The following MGAM2 variants were observed in gnomAD, a reference collection of about 807,000 sequenced individuals.
MGAM2 encodes maltase-glucoamylase 2 (putative), also known as probable maltase-glucoamylase 2.
A neutral mutation model predicts 96.1 loss-of-function variants in MGAM2; 98 were observed. That is an observed-to-expected ratio of 1.02 (90% CI 0.87 to 1.21). The LOEUF (loss-of-function observed/expected upper bound fraction) is 1.21, where lower values mean the gene tolerates loss of function less well. Among genes scored for constraint, MGAM2 ranks in the 50% most tolerant of loss-of-function variants. The pLI is 0.00. For synonymous variants in MGAM2, 749 were observed against 414.8 expected (o/e 1.81, Z -9.79); for missense variants, 2,055 against 1,182.4 (o/e 1.74, Z -10.82).
chr7:142,179,805 A>G (rs1159177886), intron 32 of MGAM2, among the ~76,000 whole-genome samples: 2 of 152,128 alleles, frequency 1.3e-5, no homozygotes, highest in Non-Finnish European at 2.9e-5. Context: ...TTCATCAGGG[A>G]TATCAGCCTG....
chr7:142,203,171 G>T (rs1475859831), intron 45 of MGAM2, among the ~76,000 whole-genome samples: 1 of 152,080 alleles, frequency 6.6e-6, no homozygotes, highest in African/African-American at 2.4e-5. Flanking sequence ...TATAGAATCT[G>T]GATGTTAGAC....
intron 3 of MGAM2, 119 bp downstream of exon 3, chr7:142,120,500 T>G (rs1794538206): frequency 3.6e-6 from 2 of 559,006 alleles, no homozygotes; most frequent in Non-Finnish European, 6.4e-6. Flanking sequence ...TGTTTGGAGT[T>G]CTTTCTTTCT....
chr7:142,115,639 A>C (rs757088003), intron 1 of MGAM2, among the ~76,000 whole-genome samples: 1 of 152,192 alleles, frequency 6.6e-6, no homozygotes, highest in Non-Finnish European at 1.5e-5. Flanking sequence ...TGAGATCAGG[A>C]GTTCGAGACC....
rs183874428 is a variant in MGAM2, at chr7:142,139,541, A to T, written c.1086+874A>T. On this transcript the variant is annotated intron_variant, in intron 10 of 47. Transcript: ENST00000477922. ...CCAGGTGTGGTGGCACATGCCTGTA[A>T]TCCCAGCTACAAAGCAGGCTGAGGC... 4.7e-4 allele frequency among the ~76,000 whole-genome samples: 71 copies of T among 151,964 alleles called. No homozygotes were observed. The East Asian group carries it at 9.9e-3, about 21-fold the overall frequency.
chr7:142,131,463 C>A, intron 4 of MGAM2, 55 bp from the exon 5 acceptor site: 2 of 683,320 alleles, frequency 2.9e-6, no homozygotes. Context: ...CAAAACAAAA[C>A]CAAACACTAA....
In MGAM2 at chr7:142,128,834, G is replaced by A. The variant is rs141872610; in HGVS notation, c.187-2114G>A. 5.2e-3 allele frequency among the ~76,000 whole-genome samples: 794 copies of A among 152,320 alleles called. 11 individuals carry two copies. Among genetic ancestry groups the A allele is most frequent in the Admixed American group, 0.039 (595 of 15,302 alleles). The stretch of plus-strand genomic sequence containing the variant: ...TATGGAGATCCTCTGCTAGGGCAGT[G>A]CGGAAGGGAAATGTGGGGTCAGAGC... On this transcript the variant is annotated intron_variant, in intron 3 of 47. Transcript: ENST00000477922.
At chr7:142,206,013 A>G (rs10253715) in intron 45 of MGAM2, among the ~76,000 whole-genome samples, 1 of 152,088 alleles carries the variant, frequency 6.6e-6, no homozygotes, top group Non-Finnish European at 1.5e-5. Context: ...TGTGGATTAC[A>G]GTTGTCCCAG....
chr7:142,115,032 G>A (rs1340005318), intron 1 of MGAM2, among the ~76,000 whole-genome samples: 2 of 151,700 alleles, frequency 1.3e-5, no homozygotes, highest in South Asian at 2.1e-4. Context: ...CCTGGCCAAC[G>A]TGGTGAAATC....
chr7:142,143,706 C>G, intron 12 of MGAM2, 63 bp from the exon 13 acceptor site: 1 of 494,310 alleles, frequency 2.0e-6, no homozygotes, highest in South Asian at 3.9e-5. Flanking sequence ...GAAGAAATCA[C>G]TGTCGGTCAA....
At chr7:142,141,761 A>G (rs1718912761) in intron 12 of MGAM2, among the ~76,000 whole-genome samples, 1 of 152,100 alleles carries the variant, frequency 6.6e-6, no homozygotes, top group Admixed American at 6.6e-5. Flanking sequence ...CAGCCTCCCA[A>G]ACTGCTGGGA....
intron 45 of MGAM2, among the ~76,000 whole-genome samples, chr7:142,204,822 A>G (rs1585216085): frequency 1.3e-5 from 2 of 152,116 alleles, no homozygotes; most frequent in African/African-American, 4.8e-5. Context: ...AGTGTGGTTA[A>G]TAAGATAATA....
intron 31 of MGAM2, among the ~76,000 whole-genome samples, chr7:142,175,316 C>T (rs1008192817): frequency 6.6e-6 from 1 of 152,064 alleles, no homozygotes; most frequent in Non-Finnish European, 1.5e-5. Flanking sequence ...CCAGTTTCTA[C>T]CCTTGAACAT....
At chr7:142,135,743 C>T (rs183906715) in intron 7 of MGAM2, among the ~76,000 whole-genome samples, 1 of 152,004 alleles carries the variant, frequency 6.6e-6, no homozygotes, top group East Asian at 1.9e-4. Context: ...CACACACACA[C>T]ACACACACAC....
rs1256118114 is a variant in MGAM2 at position 142,131,613 on chromosome 7, C to A, written c.406C>A (p.Arg136=). 1.4e-6 allele frequency: 1 copy of A among 703,094 alleles called. No homozygotes were observed. The highest frequency in any genetic ancestry group is 2.6e-6 in the Non-Finnish European group (1 of 385,002). The allele number at this position is 703,094 out of a possible 1,614,324, so 43.6% of individuals were successfully genotyped here. ...CACAGCTGAATATCAGACATCCAAT[C>A]GGTTTCATTTTAAGGTTGGTTTGGG... ...LFTAEYQTSN[R]FHFKITDFNN... Residue 136 remains arginine (R), a synonymous_variant, in exon 5 of 48, where the codon CGG becomes AGG. Coordinates refer to ENST00000477922, the MANE Select transcript of MGAM2 (RefSeq NM_001293626.2).
In MGAM2 at chr7:142,221,794, C is replaced by T. The variant is rs1797939080; in HGVS notation, c.7283C>T (p.Thr2428Ile). 5.0e-6 allele frequency: 2 copies of T among 401,974 alleles called. No homozygotes were observed. The highest frequency in any genetic ancestry group is 8.8e-6 in the Non-Finnish European group (2 of 227,986). The allele number at this position is 401,974 out of a possible 1,614,324, so 24.9% of individuals were successfully genotyped here. Residue 2428 changes from threonine to isoleucine, a missense_variant, in exon 48 of 48, where the codon ACA becomes ATA. Transcript: ENST00000477922. Reference protein sequence around the residue: ...ITDADNSSSVTGNTTHISVSN... With the variant: ...ITDADNSSSVIGNTTHISVSN... ...GATGCAGATAACTCCAGCAGTGTTA[C>T]AGGTAACACGACACACATTTCTGTT... is the stretch of plus-strand genomic sequence containing the variant.
At chr7:142,216,552 T>C (rs1257540815) in intron 46 of MGAM2, among the ~76,000 whole-genome samples, 1 of 152,190 alleles carries the variant, frequency 6.6e-6, no homozygotes, top group Non-Finnish European at 1.5e-5. Context: ...GTAAACCAGC[T>C]TGTGGGGGTG....
At position 142,120,348 on chromosome 7, in the gene MGAM2, G is replaced by C; in HGVS notation, c.153G>C (p.Arg51Ser). The C allele has an allele frequency of 2.8e-6, 2 of 703,144 alleles. No individual in the cohort carries two copies. Among genetic ancestry groups the C allele is most frequent in the Non-Finnish European group, 5.2e-6 (2 of 384,994 alleles). 43.6% of individuals were successfully genotyped at this position (703,144 alleles called of 1,614,324 possible). ...GCCCAGAGATTCCCCAGTCGGAAAG[G>C]ATAGACTGCACACCTGACCAGGAGG... ...PECPEIPQSE[R>S]IDCTPDQEVT... Residue 51 changes from arginine to serine, a missense_variant, in exon 3 of 48, where the codon AGG becomes AGC. Arg to Ser is a moderately radical substitution (Grantham distance 110, BLOSUM62 -1). Coordinates refer to ENST00000477922, the MANE Select transcript of MGAM2 (RefSeq NM_001293626.2).
At chr7:142,185,236 T>A (rs183961932) in intron 34 of MGAM2, 97 bp downstream of exon 34, 63 of 626,800 alleles carry the variant, frequency 1.0e-4, no homozygotes, top group Non-Finnish European at 1.7e-4. Context: ...TTCAGTTAAG[T>A]AGCCCTAACT....
At chr7:142,216,898 T>A (rs1797777819) in intron 46 of MGAM2, among the ~76,000 whole-genome samples, 2 of 152,184 alleles carry the variant, frequency 1.3e-5, no homozygotes, top group Non-Finnish European at 2.9e-5. Context: ...CTTCAAAATC[T>A]TTCCTTACAT....
Sources: gnomAD v4.1 joint callset for allele counts (sites outside exome capture counted in the v4.1 genomes callset) on GRCh38, gnomAD v4.1.1 for gene constraint, MANE v1.5 for transcripts, NCBI Gene and HGNC (gene_info 2026-07-23, HGNC 2026-07-21) for gene names.